The following ECM2 variants were observed in gnomAD, a reference collection of about 807,000 sequenced individuals.
ECM2 encodes extracellular matrix protein 2.
ECM2 carries 57 observed loss-of-function variants against 67.5 expected under a neutral mutation model. The ratio of observed to expected loss-of-function variants is 0.84; its 90% CI spans 0.68 to 1.05. The LOEUF is 1.05. Among genes scored for constraint, ECM2 ranks in the 50% least tolerant of loss-of-function variants. The pLI is 0.00. For synonymous variants in ECM2, 258 were observed against 294.5 expected (o/e 0.88, Z 1.27); for missense variants, 741 against 822.8 (o/e 0.90, Z 1.22).
In ECM2 at chr9:92,495,359, A is replaced by G. The variant is rs891098850; in HGVS notation, c.*956T>C. ...TATATGATTTTGGTAGGGCCAATAC[A>G]TAGTAAAGACATAGCTTTATTTCAA... On this transcript the variant is annotated 3_prime_UTR_variant, in exon 10 of 10. Transcript: ENST00000344604. 2.1e-6 allele frequency: 2 copies of G among 967,816 alleles called. No individual in the cohort carries two copies. Among genetic ancestry groups the G allele is most frequent in the Non-Finnish European group, 2.5e-6 (2 of 813,990 alleles). 60.0% of individuals were successfully genotyped at this position (967,816 alleles called of 1,614,324 possible). A position where few individuals can be genotyped will look rare whatever the true frequency, so the allele number is the denominator to read the frequency against.
intron 1 of ECM2, among the ~76,000 whole-genome samples, chr9:92,535,263 A>G (rs1444552488): frequency 1.3e-5 from 2 of 152,210 alleles, no homozygotes; most frequent in Non-Finnish European, 1.5e-5. Context: ...TAATTTTACT[A>G]TTAATGCTTA....
At chr9:92,493,739 G>A (rs1212519278), downstream of ECM2, 1 of 164,080 alleles carries the variant, frequency 6.1e-6, no homozygotes, top group Admixed American at 6.4e-5. Flanking sequence ...AAATTTCAGG[G>A]CTGAACAAGT....
intron 9 of ECM2, among the ~76,000 whole-genome samples, chr9:92,497,822 C>T (rs1440487942): frequency 6.7e-6 from 1 of 148,154 alleles, no homozygotes; most frequent in African/African-American, 2.5e-5. Context: ...TCTCTAGGAT[C>T]AGGGGAGTGA....
chr9:92,539,407 G>A (rs1453896235), upstream of ECM2, among the ~76,000 whole-genome samples: 1 of 142,656 alleles, frequency 7.0e-6, no homozygotes, highest in African/African-American at 2.7e-5. Context: ...AGTTGATTAG[G>A]GTATTTAGCT....
chr9:92,547,600 G>T, the ECM2 span, among the ~76,000 whole-genome samples: 1 of 152,196 alleles, frequency 6.6e-6, no homozygotes, highest in Non-Finnish European at 1.5e-5. Context: ...CGTATGAAAT[G>T]TCCAAAATAG....
intron 2 of ECM2, among the ~76,000 whole-genome samples, chr9:92,521,944 G>C (rs1374748286): frequency 2.0e-5 from 3 of 152,152 alleles, no homozygotes; most frequent in African/African-American, 7.2e-5. Context: ...TATATGCATA[G>C]TAAACATACT....
chr9:92,537,782 C>T (rs1162495582), upstream of ECM2, among the ~76,000 whole-genome samples: 4 of 152,156 alleles, frequency 2.6e-5, no homozygotes, highest in Non-Finnish European at 5.9e-5. Context: ...TTCTCAATCT[C>T]AGTAACAGTC....
intron 9 of ECM2, among the ~76,000 whole-genome samples, chr9:92,498,617 A>G (rs897953563): frequency 6.6e-6 from 1 of 152,128 alleles, no homozygotes; most frequent in Non-Finnish European, 1.5e-5. Flanking sequence ...ACTAAATAAC[A>G]TGTCTGAATA....
downstream of ECM2, chr9:92,494,105 T>A: frequency 6.3e-7 from 1 of 1,597,938 alleles, no homozygotes; most frequent in East Asian, 2.2e-5. Context: ...AAAGGCCACA[T>A]CTGATCTGTT....
At chr9:92,511,748 G>T (rs1175475304) in intron 5 of ECM2, among the ~76,000 whole-genome samples, 2 of 152,164 alleles carry the variant, frequency 1.3e-5, no homozygotes, top group African/African-American at 2.4e-5. Context: ...TACTTGGGAA[G>T]AAACTACTCC....
intron 6 of ECM2, among the ~76,000 whole-genome samples, chr9:92,507,181 G>C (rs984851627): frequency 6.6e-6 from 1 of 152,188 alleles, no homozygotes; most frequent in African/African-American, 2.4e-5. Flanking sequence ...GGTTAACCTG[G>C]TGGTGGTGCT....
the ECM2 span, among the ~76,000 whole-genome samples, chr9:92,558,328 G>C: frequency 6.6e-6 from 1 of 152,258 alleles, no homozygotes; most frequent in South Asian, 2.1e-4. Context: ...TGTCCCATGG[G>C]GTGTTCCCTT....
At chr9:92,543,164 T>C in the ECM2 span, among the ~76,000 whole-genome samples, 1 of 152,194 alleles carries the variant, frequency 6.6e-6, no homozygotes, top group Admixed American at 6.5e-5. Context: ...CCTCCAACTT[T>C]GTTTTCTTTG....
chr9:92,530,341 AG>A (rs1310764863), intron 1 of ECM2, among the ~76,000 whole-genome samples: 1 of 152,200 alleles, frequency 6.6e-6, no homozygotes, highest in Non-Finnish European at 1.5e-5. Flanking sequence ...TTTTGATAGT[AG>A]GGGAAAAGCA....
At chr9:92,513,480 A>C (rs796577380) in intron 4 of ECM2, among the ~76,000 whole-genome samples, 1 of 152,210 alleles carries the variant, frequency 6.6e-6, no homozygotes, top group Non-Finnish European at 1.5e-5. Flanking sequence ...TTAGGTCCAC[A>C]CAAACATCTG....
At chr9:92,540,498 G>T (rs1849293127), upstream of ECM2, among the ~76,000 whole-genome samples, 1 of 151,514 alleles carries the variant, frequency 6.6e-6, no homozygotes, top group South Asian at 2.1e-4. Flanking sequence ...GAAGGCTGGG[G>T]GCAGTGGCTC....
chr9:92,522,065 GTTGTT>G lies in ECM2; in HGVS notation c.292+505_292+509del, dbSNP rs538087449. Among the ~76,000 whole-genome samples the G allele has an allele frequency of 4.5e-3, 687 of 152,004 alleles. 2 individuals are homozygous for G. Among genetic ancestry groups the G allele is most frequent in the African/African-American group, 0.012 (487 of 41,474 alleles). ...TTAAGTTGTTTTTGGTTTTTTGGGG[GTTGTT>G]TTGTTTTGTTTTGTTTTGTTTTGTT... On this transcript the variant is annotated intron_variant, in intron 2 of 9. Transcript: ENST00000344604.
At chr9:92,511,189 G>A (rs563308058) in intron 5 of ECM2, among the ~76,000 whole-genome samples, 14 of 152,208 alleles carry the variant, frequency 9.2e-5, no homozygotes, top group African/African-American at 3.1e-4. Flanking sequence ...GCAATGGCGC[G>A]ATCTCGGCTC....
At chr9:92,543,471 CAAAAAAAAAAAAAAAAA>C in the ECM2 span, among the ~76,000 whole-genome samples, 2 of 44,522 alleles carry the variant, frequency 4.5e-5, no homozygotes, top group South Asian at 1.1e-3. Flanking sequence ...AACCCTGTCT[CAAAAAAAAAAAAAAAAA>C]AAAAAAAAAA....
Sources: allele counts gnomAD v4.1 joint callset (sites outside exome capture counted in the v4.1 genomes callset), GRCh38; gene constraint gnomAD v4.1.1; transcripts MANE v1.5; gene names NCBI Gene and HGNC (gene_info 2026-07-23, HGNC 2026-07-21).